NHEJ1: variants seen among roughly 807,000 people sequenced by gnomAD.
NHEJ1 encodes the protein non-homologous end-joining factor 1.
Under a neutral mutation model 39.4 loss-of-function variants are expected in NHEJ1, and 22 were observed. The ratio of observed to expected loss-of-function variants is 0.56; its 90% CI spans 0.40 to 0.80. NHEJ1 has a LOEUF of 0.80. Among genes scored for constraint, NHEJ1 ranks in the 30% least tolerant of loss-of-function variants. NHEJ1 has a pLI of 0.00. For missense variants in NHEJ1, 329 were observed against 357.1 expected, an observed-to-expected ratio of 0.92 and a Z score of 0.63; for synonymous variants, 154 against 135.6, an observed-to-expected ratio of 1.14 and a Z score of -0.94.
rs1484504380 is a variant in NHEJ1, at chr2:219,111,358, G to A, written c.589-33152C>T. ...AAAAGCAAAGTAGGGGGATGGTACA[G>A]CTTTTAAAAGAGGGGACCAGCTCTC... On this transcript the variant is annotated intron_variant, in intron 5 of 7. Coordinates refer to ENST00000356853, the MANE Select transcript of NHEJ1 (RefSeq NM_024782.3). The surrounding 1 kb of genome is among the most constrained non-coding windows in gnomAD (Gnocchi z 4.1). Among the ~76,000 whole-genome samples, 1 of 152,162 alleles carries A rather than the reference G, an allele frequency of 6.6e-6. No homozygotes were observed. Among genetic ancestry groups the A allele is most frequent in the Non-Finnish European group, 1.5e-5 (1 of 68,022 alleles).
At chr2:219,142,564 A>T (rs1231354059) in intron 5 of NHEJ1, among the ~76,000 whole-genome samples, 1 of 152,212 alleles carries the variant, frequency 6.6e-6, no homozygotes, top group Non-Finnish European at 1.5e-5. Context: ...CAGCAGCCAC[A>T]CAGCCTGATG....
intron 3 of NHEJ1, among the ~76,000 whole-genome samples, chr2:219,150,912 C>A (rs892239689): frequency 1.5e-4 from 23 of 151,362 alleles, no homozygotes; most frequent in Admixed American, 4.0e-4. Context: ...GCCGAGACTG[C>A]GCCATTGCAC....
chr2:219,079,046 C>G (rs977458669), intron 5 of NHEJ1, among the ~76,000 whole-genome samples: 1 of 152,192 alleles, frequency 6.6e-6, no homozygotes, highest in African/African-American at 2.4e-5. Context: ...GTTTCCTTCA[C>G]TACAGAATGA....
At chr2:219,095,467 T>C in intron 5 of NHEJ1, 1 of 381,000 alleles carries the variant, frequency 2.6e-6, no homozygotes, top group South Asian at 2.0e-5. Context: ...TTAAACCTAA[T>C]GGTCACTTAA....
intron 4 of NHEJ1, 45 bp from the exon 5 acceptor site, chr2:219,146,783 A>C: frequency 6.9e-7 from 1 of 1,445,512 alleles, no homozygotes; most frequent in Non-Finnish European, 9.7e-7. Flanking sequence ...GTCATACAGG[A>C]TGAGTTTCTT....
intron 5 of NHEJ1, among the ~76,000 whole-genome samples, chr2:219,126,649 C>A (rs1158282804): frequency 6.6e-6 from 1 of 152,208 alleles, no homozygotes; most frequent in African/African-American, 2.4e-5. Flanking sequence ...CCTTGGGGAA[C>A]TTACCACCTA....
chr2:219,093,001 T>C (rs1949175122), intron 5 of NHEJ1, among the ~76,000 whole-genome samples: 1 of 152,230 alleles, frequency 6.6e-6, no homozygotes, highest in African/African-American at 2.4e-5. Flanking sequence ...TTACAATTAA[T>C]TGCTGAGATA....
intron 5 of NHEJ1, among the ~76,000 whole-genome samples, chr2:219,122,420 CA>C (rs1211961880): frequency 3.3e-5 from 5 of 152,182 alleles, no homozygotes; most frequent in Non-Finnish European, 5.9e-5. Context: ...GGGCAGGAAT[CA>C]TGTTAGTTAT....
Position 219,076,196 on chromosome 2 carries a change from C to G in NHEJ1, c.*185G>C. 2.3e-6 allele frequency: 3 copies of G among 1,320,938 alleles called. No individual in the cohort carries two copies. The highest frequency in any genetic ancestry group is 3.1e-6 in the Non-Finnish European group (3 of 976,370). The allele number at this position is 1,320,938 out of a possible 1,614,324, so 81.8% of individuals were successfully genotyped here. On this transcript the variant is annotated 3_prime_UTR_variant, in exon 8 of 8. Transcript: ENST00000356853. ...GCACGGGATTCTCAGAGACTGGCTTCCACTTGAACAGGGAAGGCCAATTCC... is the reference window on the plus strand; with the variant it reads ...GCACGGGATTCTCAGAGACTGGCTTGCACTTGAACAGGGAAGGCCAATTCC...
chr2:219,108,466 C>T (rs540994954), intron 5 of NHEJ1, among the ~76,000 whole-genome samples: 2 of 152,190 alleles, frequency 1.3e-5, no homozygotes, highest in Non-Finnish European at 2.9e-5. Flanking sequence ...CATGTGTTTG[C>T]CTTTTCCTAG....
intron 3 of NHEJ1, among the ~76,000 whole-genome samples, chr2:219,148,550 C>T (rs1472814008): frequency 6.6e-6 from 1 of 152,176 alleles, no homozygotes; most frequent in Non-Finnish European, 1.5e-5. Flanking sequence ...CAGAGCAAGA[C>T]TGCATCTCAA....
intron 5 of NHEJ1, among the ~76,000 whole-genome samples, chr2:219,091,263 T>C (rs1267803600): frequency 1.3e-5 from 2 of 152,154 alleles, no homozygotes; most frequent in Non-Finnish European, 2.9e-5. Flanking sequence ...AAGCTGAAAC[T>C]TGGGCGACTT....
At chr2:219,131,413 G>A (rs1949577582) in intron 5 of NHEJ1, among the ~76,000 whole-genome samples, 2 of 152,262 alleles carry the variant, frequency 1.3e-5, no homozygotes, top group African/African-American at 4.8e-5. Context: ...ACAAGGTGAA[G>A]TCTAGTCCAG....
At chr2:219,136,005 A>G (rs1001911644) in intron 5 of NHEJ1, among the ~76,000 whole-genome samples, 3 of 152,182 alleles carry the variant, frequency 2.0e-5, no homozygotes, top group Non-Finnish European at 4.4e-5. Context: ...ATACAGGGAC[A>G]TGCATGATTT....
intron 5 of NHEJ1, among the ~76,000 whole-genome samples, chr2:219,096,855 G>A (rs1226569479): frequency 6.6e-6 from 1 of 152,168 alleles, no homozygotes; most frequent in Non-Finnish European, 1.5e-5. Context: ...GGGGCCTTGT[G>A]AGCCACTGTG....
rs371879047 is a variant in NHEJ1 at position 219,147,282 on chromosome 2, C to T, written c.529+375G>A. ...ATCACTTGAGGTCAGGAGTTCGAGA[C>T]CAGCCTGACCAACATGGTGAAACCC... On this transcript the variant is annotated intron_variant, in intron 4 of 7. Coordinates refer to ENST00000356853, the MANE Select transcript of NHEJ1 (RefSeq NM_024782.3). Among the ~76,000 whole-genome samples, 12 of 152,244 alleles carry T rather than the reference C, an allele frequency of 7.9e-5. No individual in the cohort carries two copies. The South Asian group carries it at 1.2e-3, about 16-fold the overall frequency.
intron 3 of NHEJ1, among the ~76,000 whole-genome samples, chr2:219,157,071 T>C (rs569668532): frequency 6.6e-6 from 1 of 152,312 alleles, no homozygotes; most frequent in East Asian, 1.9e-4. Context: ...TAACAGTCTC[T>C]TCAAAGAGGT....
At chr2:219,081,120 C>A (rs1313543375) in intron 5 of NHEJ1, among the ~76,000 whole-genome samples, 2 of 152,184 alleles carry the variant, frequency 1.3e-5, no homozygotes, top group Non-Finnish European at 2.9e-5. Context: ...AAAAAGGAGA[C>A]AGGTGGACCA....
chr2:219,153,861 G>A (rs559847499), intron 3 of NHEJ1, among the ~76,000 whole-genome samples: 5 of 152,304 alleles, frequency 3.3e-5, no homozygotes, highest in Admixed American at 3.3e-4. Context: ...CTGTACAGCT[G>A]GAAGGAGTTA....
Sources: allele counts gnomAD v4.1 joint callset (sites outside exome capture counted in the v4.1 genomes callset), GRCh38; gene constraint gnomAD v4.1.1; non-coding constraint Gnocchi (gnomAD v3.1); transcripts MANE v1.5; gene names NCBI Gene and HGNC (gene_info 2026-07-23, HGNC 2026-07-21).